Variants in ZNF516 observed in about 807,000 individuals in gnomAD.
ZNF516 encodes zinc finger protein 516.
In ZNF516, 19 loss-of-function variants were observed where a neutral mutation model predicts 79.7. That is an observed-to-expected ratio of 0.24 (90% CI 0.17 to 0.35). ZNF516 has a LOEUF of 0.35. ZNF516 is among the 10% of genes least tolerant of loss of function. The pLI, the probability that ZNF516 is intolerant of heterozygous loss-of-function variation, is 1.00. For missense variants in ZNF516, 1,678 were observed against 1,679.5 expected (o/e 1.00, Z 0.02); for synonymous variants, 877 against 739.5 (o/e 1.19, Z -3.02).
At chr18:76,425,105 G>T (rs1024828744) in intron 3 of ZNF516, among the ~76,000 whole-genome samples, 2 of 151,954 alleles carry the variant, frequency 1.3e-5, no homozygotes, top group Non-Finnish European at 2.9e-5. Flanking sequence ...CCCCTGACTC[G>T]GAAGGGCCTT....
intron 1 of ZNF516, among the ~76,000 whole-genome samples, chr18:76,475,152 A>C (rs1914103702): frequency 6.6e-6 from 1 of 152,258 alleles, no homozygotes; most frequent in Admixed American, 6.5e-5. Context: ...CTCATCAGCA[A>C]AAGACTATTA....
chr18:76,466,254 C>T (rs1447981525), intron 1 of ZNF516, among the ~76,000 whole-genome samples: 1 of 152,116 alleles, frequency 6.6e-6, no homozygotes, highest in African/African-American at 2.4e-5. Context: ...CCCACCCGGG[C>T]GGCCACCTCG....
upstream of ZNF516, chr18:76,495,923 C>A (rs898510883): frequency 3.8e-5 from 13 of 338,242 alleles, no homozygotes; most frequent in Admixed American, 1.0e-4. Flanking sequence ...GGAAAGACTT[C>A]AAACAGCGGC....
chr18:76,450,689 C>T (rs1208385699), intron 2 of ZNF516, among the ~76,000 whole-genome samples: 12 of 152,058 alleles, frequency 7.9e-5, no homozygotes, highest in African/African-American at 2.7e-4. Flanking sequence ...CAGCACTTGA[C>T]GAAGTAAAAA....
At chr18:76,400,238 G>A (rs919826202) in intron 3 of ZNF516, among the ~76,000 whole-genome samples, 3 of 152,196 alleles carry the variant, frequency 2.0e-5, no homozygotes, top group Admixed American at 2.0e-4. Context: ...CTGAGCCTAG[G>A]CCAGAGATGA....
chr18:76,437,185 G>A (rs1267447816), intron 3 of ZNF516, among the ~76,000 whole-genome samples: 1 of 151,998 alleles, frequency 6.6e-6, no homozygotes, highest in Non-Finnish European at 1.5e-5. Flanking sequence ...GAACCTCTGT[G>A]CCCAGCCGCA....
chr18:76,443,152 G>T lies in ZNF516; in HGVS notation c.-98C>A. On this transcript the variant is annotated 5_prime_UTR_variant, in exon 3 of 7. Transcript: ENST00000443185. ...TCCATGGTCAGAAGAGCCAAAAGAC[G>T]TGCCTGCTCCCAGGAGGTGCACCTT... 1 of 1,450,734 alleles carries T rather than the reference G, an allele frequency of 6.9e-7. No individual in the cohort carries two copies. The highest frequency in any genetic ancestry group is 1.4e-5 in the South Asian group (1 of 71,296). The allele number at this position is 1,450,734 out of a possible 1,614,324, so 89.9% of individuals were successfully genotyped here.
chr18:76,370,388 C>G, intron 6 of ZNF516, 140 bp downstream of exon 6: 3 of 840,368 alleles, frequency 3.6e-6, no homozygotes, highest in Non-Finnish European at 5.3e-6. Flanking sequence ...GGGTCAGGTT[C>G]CAAGTCAAAG....
intron 3 of ZNF516, among the ~76,000 whole-genome samples, chr18:76,407,227 C>T (rs1056673239): frequency 6.6e-6 from 1 of 152,058 alleles, no homozygotes; most frequent in African/African-American, 2.4e-5. Flanking sequence ...TGCAAGAGTT[C>T]GAGAACAACC....
At chr18:76,446,283 C>T (rs1912046695) in intron 2 of ZNF516, among the ~76,000 whole-genome samples, 1 of 152,330 alleles carries the variant, frequency 6.6e-6, no homozygotes, top group South Asian at 2.1e-4. Flanking sequence ...GGCAAACACA[C>T]ACCTGGCACT....
intron 6 of ZNF516, among the ~76,000 whole-genome samples, chr18:76,365,240 CTATTAATCA>C (rs2074596272): frequency 6.6e-6 from 1 of 152,170 alleles, no homozygotes; most frequent in African/African-American, 2.4e-5. Flanking sequence ...AAGAAATAAA[CTATTAATCA>C]TAGTCTTTAA....
In ZNF516 at chr18:76,402,744, A is replaced by G. The variant is rs543099040; in HGVS notation, c.1811-22441T>C. ...CTCTCACGTGATTTCTCCTCTCTGAACTAGAAGCGAGCTCCATCGGGCCGC... is the reference window on the plus strand; with the variant it reads ...CTCTCACGTGATTTCTCCTCTCTGAGCTAGAAGCGAGCTCCATCGGGCCGC... On this transcript the variant is annotated intron_variant, in intron 3 of 6. Transcript: ENST00000443185. Among the ~76,000 whole-genome samples, 4 of 152,360 alleles carry G rather than the reference A, an allele frequency of 2.6e-5. No individual in the cohort carries two copies. The South Asian group carries it at 8.3e-4, about 32-fold the overall frequency.
At chr18:76,438,312 T>C (rs2075771544) in intron 3 of ZNF516, among the ~76,000 whole-genome samples, 1 of 152,244 alleles carries the variant, frequency 6.6e-6, no homozygotes, top group South Asian at 2.1e-4. Flanking sequence ...CAAAGCAATA[T>C]TCGTTTTTCC....
At chr18:76,375,840 G>A (rs564339918) in intron 4 of ZNF516, among the ~76,000 whole-genome samples, 1 of 150,270 alleles carries the variant, frequency 6.7e-6, no homozygotes, top group Admixed American at 6.6e-5. Flanking sequence ...GTAGAAGATG[G>A]ACACAGAAGG....
rs1304287814 is a variant in ZNF516, at chr18:76,371,203, CAGTT to C, written c.3364+260_3364+263del. Among the ~76,000 whole-genome samples, 5 of 152,188 alleles carry C rather than the reference CAGTT, an allele frequency of 3.3e-5. No homozygotes were observed. In the East Asian group the frequency reaches 9.6e-4, roughly 29 times the overall value. On this transcript the variant is annotated intron_variant, in intron 5 of 6. Transcript: ENST00000443185. The stretch of plus-strand genomic sequence containing the variant: ...ATTAGCATATTCATTTCTGAGGAGT[CAGTT>C]ACTCTCTAATTAAAATGGAACATTT...
intron 3 of ZNF516, among the ~76,000 whole-genome samples, chr18:76,392,800 C>T (rs12961235): frequency 3.1e-4 from 23 of 74,146 alleles, no homozygotes; most frequent in East Asian, 3.6e-4. Context: ...AGGCAGGTGG[C>T]CAGGTGGGGG....
rs1420039215 is a variant in ZNF516, at chr18:76,359,968, T to G, written c.*2530A>C. ...AAGGAAGGGACCACACATCCAGGCC[T>G]GCCCACAGCTGGCCTCAAGGGATGG... On this transcript the variant is annotated 3_prime_UTR_variant, in exon 7 of 7. Coordinates refer to ENST00000443185, the MANE Select transcript of ZNF516 (RefSeq NM_014643.4). 6.6e-6 allele frequency: 1 copy of G among 152,238 alleles called. No homozygotes were observed. Among genetic ancestry groups the G allele is most frequent in the Non-Finnish European group, 1.5e-5 (1 of 68,054 alleles). The allele number at this position is 152,238 out of a possible 1,614,324, so 9.4% of individuals were successfully genotyped here.
chr18:76,368,835 T>C (rs1046328998), intron 6 of ZNF516, among the ~76,000 whole-genome samples: 2 of 152,214 alleles, frequency 1.3e-5, no homozygotes, highest in African/African-American at 2.4e-5. Flanking sequence ...TCTAAATGAT[T>C]TGCTTTTTGA....
chr18:76,432,286 G>C (rs1380859970), intron 3 of ZNF516, among the ~76,000 whole-genome samples: 2 of 152,180 alleles, frequency 1.3e-5, no homozygotes, highest in African/African-American at 4.8e-5. Context: ...ATAGGCCTCT[G>C]CCTTGAGTGC....
Sources: allele counts gnomAD v4.1 joint callset (sites outside exome capture counted in the v4.1 genomes callset), GRCh38; gene constraint gnomAD v4.1.1; transcripts MANE v1.5; gene names NCBI Gene and HGNC (gene_info 2026-07-23, HGNC 2026-07-21).